OR6C1: variants seen among roughly 807,000 people sequenced by gnomAD.
OR6C1 encodes olfactory receptor 6C1.
For synonymous variants in OR6C1, 157 were observed against 133.3 expected (o/e 1.18, Z -1.22); for missense variants, 386 against 366.1 (o/e 1.05, Z -0.44).
At position 55,320,645 on chromosome 12, in the gene OR6C1, A is replaced by G; in HGVS notation, c.46A>G (p.Thr16Ala). ...AACAGAGTTTATTCTTCTGGGATTA[A>G]CAGATGACCCAAATTTTCAGGTTGT... Reference protein sequence around the residue: ...EITEFILLGLTDDPNFQVVIF... With the variant: ...EITEFILLGLADDPNFQVVIF... The change falls in exon 2 of 2, where the codon ACA becomes GCA. Residue 16 changes from threonine to alanine, a missense_variant. Physicochemically the swap from Thr to Ala is moderately conservative, Grantham distance 58. Coordinates refer to ENST00000642104, the MANE Select transcript of OR6C1 (RefSeq NM_001005182.2). The G allele has an allele frequency of 6.2e-7, 1 of 1,613,262 alleles. No homozygotes were observed. The highest frequency in any genetic ancestry group is 8.5e-7 in the Non-Finnish European group (1 of 1,179,426).
chr12:55,320,538 A>T, intron 1 of OR6C1, 29 bp from the exon 2 acceptor site: 2 of 976,044 alleles, frequency 2.0e-6, no homozygotes, highest in Non-Finnish European at 3.1e-6. Flanking sequence ...ATAACTCTTC[A>T]AGTTTGTTCT....
At chr12:55,315,508 G>T (rs1020904669) in intron 1 of OR6C1, among the ~76,000 whole-genome samples, 38 of 151,588 alleles carry the variant, frequency 2.5e-4, no homozygotes, top group Non-Finnish European at 1.5e-5. Flanking sequence ...AGTGTGATTT[G>T]GTGACACCTC....
Position 55,321,654 on chromosome 12 carries a change from G to C in OR6C1, c.*116G>C. 1 of 584,450 alleles carries C rather than the reference G, an allele frequency of 1.7e-6. No individual in the cohort carries two copies. The highest frequency in any genetic ancestry group is 2.8e-6 in the Non-Finnish European group (1 of 354,778). 36.2% of individuals were successfully genotyped at this position (584,450 alleles called of 1,614,324 possible). A position where few individuals can be genotyped will look rare whatever the true frequency, so the allele number is the denominator to read the frequency against. ...CTGCATCATTTTCTTTTCCCTAAAA[G>C]TTTGCAAGCATATTTATTTAATATA... On this transcript the variant is annotated 3_prime_UTR_variant, in exon 2 of 2. Coordinates refer to ENST00000642104, the MANE Select transcript of OR6C1 (RefSeq NM_001005182.2).
intron 1 of OR6C1, among the ~76,000 whole-genome samples, 179 bp from the exon 2 acceptor site, chr12:55,320,388 T>C (rs1868509829): frequency 6.6e-6 from 1 of 152,210 alleles, no homozygotes; most frequent in South Asian, 2.1e-4. Context: ...ACCTGTCTTA[T>C]GTGAAGAGTT....
At chr12:55,315,506 T>G (rs1430704363) in intron 1 of OR6C1, among the ~76,000 whole-genome samples, 1 of 151,750 alleles carries the variant, frequency 6.6e-6, no homozygotes, top group African/African-American at 2.4e-5. Context: ...TAAGTGTGAT[T>G]TGGTGACACC....
chr12:55,317,301 A>C lies in OR6C1; in HGVS notation c.-34+2702A>C, dbSNP rs141872936. Among the ~76,000 whole-genome samples, 507 of 152,152 alleles carry C rather than the reference A, an allele frequency of 3.3e-3. 5 individuals carry two copies. Among genetic ancestry groups the C allele is most frequent in the African/African-American group, 0.011 (470 of 41,572 alleles). ...GGATGATGTTGCTGGAGCTGGAGTA[A>C]AGTGAAATGAAAGGATGAATTGTAA... On this transcript the variant is annotated intron_variant, in intron 1 of 1. Coordinates refer to ENST00000642104, the MANE Select transcript of OR6C1 (RefSeq NM_001005182.2).
intron 1 of OR6C1, among the ~76,000 whole-genome samples, chr12:55,320,282 C>T (rs77509477): frequency 0.024 from 3,722 of 152,214 alleles, 151 homozygotes; most frequent in African/African-American, 0.085. Flanking sequence ...GTAGGCATGT[C>T]TTTGAAAGAT....
intron 1 of OR6C1, among the ~76,000 whole-genome samples, 199 bp from the exon 2 acceptor site, chr12:55,320,368 T>G (rs1868509403): frequency 6.6e-6 from 1 of 152,144 alleles, no homozygotes; most frequent in Non-Finnish European, 1.5e-5. Flanking sequence ...ATAACAAACT[T>G]TAATTTTTAA....
Position 55,320,578 on chromosome 12 carries a change from G to GA in OR6C1, c.-16dup. 1 of 1,422,912 alleles carries GA rather than the reference G, an allele frequency of 7.0e-7. No individual in the cohort carries two copies. The highest frequency in any genetic ancestry group is 9.7e-7 in the Non-Finnish European group (1 of 1,028,576). 88.1% of individuals were successfully genotyped at this position (1,422,912 alleles called of 1,614,324 possible). On this transcript the variant is annotated 5_prime_UTR_variant, in exon 2 of 2. It introduces an in-frame stop codon into an upstream open reading frame of the 5' UTR. Transcript: ENST00000642104. ...ACTTTCTCTTGTAGGTCTGGCAGGG[G>GA]AAAAAAGAAAGCAACTGAAGAATGA...
chr12:55,319,064 CTTAT>C lies in OR6C1; in HGVS notation c.-33-1496_-33-1493del, dbSNP rs548677604. On this transcript the variant is annotated intron_variant, in intron 1 of 1. Transcript: ENST00000642104. ...CAAATTAATAATATTTTATTATTTACTTATTTATTTCAATTATAAAGCAAAATGG... is the reference window on the plus strand; with the variant it reads ...CAAATTAATAATATTTTATTATTTACTTATTTCAATTATAAAGCAAAATGG... Among the ~76,000 whole-genome samples the C allele has an allele frequency of 5.6e-4, 85 of 152,062 alleles. 2 individuals carry two copies. The highest frequency in any genetic ancestry group is 2.7e-3 in the Admixed American group (41 of 15,264).
rs1868512950 is a variant in OR6C1, at chr12:55,320,536, T to C, written c.-33-31T>C. On this transcript the variant is annotated intron_variant, in intron 1 of 1. Transcript: ENST00000642104. ...TGGATATTTGTTAATTGATAACTCT[T>C]CAAGTTTGTTCTTTGTACTTTCTCT... The C allele has an allele frequency of 3.1e-6, 3 of 962,216 alleles. No individual in the cohort carries two copies. In the South Asian group the frequency reaches 4.7e-5, roughly 15 times the overall value. 59.6% of individuals were successfully genotyped at this position (962,216 alleles called of 1,614,324 possible). A position where few individuals can be genotyped will look rare whatever the true frequency, so the allele number is the denominator to read the frequency against.
chr12:55,320,699 A>G lies in OR6C1; in HGVS notation c.100A>G (p.Met34Val), dbSNP rs199503413. 26 of 1,613,428 alleles carry G rather than the reference A, an allele frequency of 1.6e-5. No individual in the cohort carries two copies. In the East Asian group the frequency reaches 5.6e-4, roughly 35 times the overall value. Residue 34 changes from methionine (M) to valine (V), a missense_variant, in exon 2 of 2, where the codon ATG becomes GTG. Coordinates refer to ENST00000642104, the MANE Select transcript of OR6C1 (RefSeq NM_001005182.2). ...VIFVFLLITYMLSITGNLTLI... is the reference protein window; with the variant it reads ...VIFVFLLITYVLSITGNLTLI... Reference sequence around the variant, plus strand: ...CTTTGTCTTCCTGCTCATCACCTACATGCTCAGCATCACTGGGAACCTGAC... The same window carrying G: ...CTTTGTCTTCCTGCTCATCACCTACGTGCTCAGCATCACTGGGAACCTGAC...
rs781735119 is a variant in OR6C1 at position 55,320,654 on chromosome 12, C to T, written c.55C>T (p.Pro19Ser). The change falls in exon 2 of 2, where the codon CCA becomes TCA. Residue 19 changes from proline (P) to serine (S), a missense_variant. Transcript: ENST00000642104. ...TATTCTTCTGGGATTAACAGATGAC[C>T]CAAATTTTCAGGTTGTAATCTTTGT... ...EFILLGLTDD[P>S]NFQVVIFVFL... is the part of the protein sequence containing the mutation. 1 of 1,613,374 alleles carries T rather than the reference C, an allele frequency of 6.2e-7. No homozygotes were observed. Among genetic ancestry groups the T allele is most frequent in the South Asian group, 1.1e-5 (1 of 90,998 alleles).
intron 1 of OR6C1, among the ~76,000 whole-genome samples, chr12:55,319,047 T>A (rs1868470315): frequency 1.3e-5 from 2 of 152,114 alleles, no homozygotes; most frequent in Admixed American, 6.6e-5. Context: ...CTCAAATTAA[T>A]AATATTTTAT....
In OR6C1 at chr12:55,320,586, A is replaced by C; in HGVS notation, c.-14A>C. 6.7e-7 allele frequency: 1 copy of C among 1,484,696 alleles called. No homozygotes were observed. Among genetic ancestry groups the C allele is most frequent in the Non-Finnish European group, 9.2e-7 (1 of 1,082,332 alleles). The allele number at this position is 1,484,696 out of a possible 1,614,324, so 92.0% of individuals were successfully genotyped here. ...TTGTAGGTCTGGCAGGGGAAAAAAG[A>C]AAGCAACTGAAGAATGAGAAACCAT... On this transcript the variant is annotated 5_prime_UTR_variant, in exon 2 of 2. Transcript: ENST00000642104.
In OR6C1 at chr12:55,322,098, T is replaced by G. The variant is rs1868577489; in HGVS notation, c.*560T>G. On this transcript the variant is annotated 3_prime_UTR_variant, in exon 2 of 2. Transcript: ENST00000642104. ...AGCCTAGACCATTATCAATATATAC[T>G]TTTTTGTTATAAGTGCTAAGTAGAG... The G allele has an allele frequency of 1.3e-5, 2 of 152,204 alleles. No homozygotes were observed. Among genetic ancestry groups the G allele is most frequent in the Non-Finnish European group, 2.9e-5 (2 of 67,948 alleles). The allele number at this position is 152,204 out of a possible 1,614,324, so 9.4% of individuals were successfully genotyped here. A position where few individuals can be genotyped will look rare whatever the true frequency, so the allele number is the denominator to read the frequency against.
Position 55,320,748 on chromosome 12 carries a change from A to G in OR6C1, c.149A>G (p.Asp50Gly). The change falls in exon 2 of 2, where the codon GAT becomes GGT. Residue 50 changes from aspartate to glycine, a missense_variant. Physicochemically the swap from Asp to Gly is moderately conservative, Grantham distance 94. Transcript: ENST00000642104. ...NLTLITITLL[D>G]SHLQTPMYFF... ...ACCCTTATCACAATTACCCTGCTGG[A>G]TTCCCACCTGCAGACCCCCATGTAT... is the stretch of plus-strand genomic sequence containing the variant. 1 of 1,614,040 alleles carries G rather than the reference A, an allele frequency of 6.2e-7. No individual in the cohort carries two copies. Among genetic ancestry groups the G allele is most frequent in the South Asian group, 1.1e-5 (1 of 91,068 alleles).
rs538303730 is a variant in OR6C1, at chr12:55,320,008, G to A, written c.-33-559G>A. ...ATACAAAAATTATCCAGGCGTGGTGGCACGTGCCTGTAATCCCAGCTACTC... is the reference window on the plus strand; with the variant it reads ...ATACAAAAATTATCCAGGCGTGGTGACACGTGCCTGTAATCCCAGCTACTC... On this transcript the variant is annotated intron_variant, in intron 1 of 1. Coordinates refer to ENST00000642104, the MANE Select transcript of OR6C1 (RefSeq NM_001005182.2). Among the ~76,000 whole-genome samples, 27 of 152,194 alleles carry A rather than the reference G, an allele frequency of 1.8e-4. No individual in the cohort carries two copies. The South Asian group carries it at 4.1e-3, about 23-fold the overall frequency.
At chr12:55,316,096 T>TACACACACAC (rs35664107) in intron 1 of OR6C1, among the ~76,000 whole-genome samples, 1 of 140,908 alleles carries the variant, frequency 7.1e-6, no homozygotes, top group Non-Finnish European at 1.5e-5. Context: ...AAAAAGTACA[T>TACACACACAC]ACACACACAC....
Sources: gnomAD v4.1 joint callset for allele counts (sites outside exome capture counted in the v4.1 genomes callset) on GRCh38, gnomAD v4.1.1 for gene constraint, MANE v1.5 for transcripts, NCBI Gene and HGNC (gene_info 2026-07-23, HGNC 2026-07-21) for gene names.